The following SLC16A7 variants were observed in gnomAD, a reference collection of about 807,000 sequenced individuals.
SLC16A7 encodes the protein solute carrier family 16 member 7.
A neutral mutation model predicts 34.9 loss-of-function variants in SLC16A7; 33 were observed. The ratio of observed to expected loss-of-function variants is 0.94; its 90% CI spans 0.72 to 1.26. The LOEUF is 1.26. Among genes scored for constraint, SLC16A7 ranks in the 50% most tolerant of loss-of-function variants. The pLI is 0.00. For synonymous variants in SLC16A7, 201 were observed against 206.6 expected (o/e 0.97, Z 0.23); for missense variants, 573 against 578.1 (o/e 0.99, Z 0.09).
intron 1 of SLC16A7, among the ~76,000 whole-genome samples, chr12:59,640,596 G>A (rs1052280890): frequency 2.6e-5 from 4 of 151,858 alleles, no homozygotes; most frequent in Non-Finnish European, 4.4e-5. Flanking sequence ...CCATGCCACC[G>A]TTTACTACTA....
intron 3 of SLC16A7, among the ~76,000 whole-genome samples, chr12:59,769,562 T>C (rs1355853384): frequency 6.6e-6 from 1 of 152,160 alleles, no homozygotes; most frequent in East Asian, 1.9e-4. Flanking sequence ...CAAACTTTTG[T>C]ATTCTGTGTT....
intron 1 of SLC16A7, among the ~76,000 whole-genome samples, chr12:59,645,720 C>A (rs1880879484): frequency 6.6e-6 from 1 of 152,044 alleles, no homozygotes; most frequent in South Asian, 2.1e-4. Context: ...AACTTTGGAA[C>A]TGGGTAACAG....
At chr12:59,616,108 G>T (rs1448310304) in intron 1 of SLC16A7, among the ~76,000 whole-genome samples, 1 of 152,166 alleles carries the variant, frequency 6.6e-6, no homozygotes, top group Non-Finnish European at 1.5e-5. Context: ...GAGGTAACTG[G>T]CTTGTTGCTT....
At chr12:59,706,712 C>G (rs1022521825) in intron 3 of SLC16A7, among the ~76,000 whole-genome samples, 4 of 152,082 alleles carry the variant, frequency 2.6e-5, no homozygotes, top group African/African-American at 9.7e-5. Context: ...TAGAGCAGCA[C>G]ACAGTCATCT....
intron 1 of SLC16A7, among the ~76,000 whole-genome samples, chr12:59,649,707 G>A (rs1000368665): frequency 8.5e-5 from 13 of 152,130 alleles, no homozygotes; most frequent in African/African-American, 3.1e-4. Flanking sequence ...CCAGCACTTG[G>A]GGATGCTGAG....
At chr12:59,701,441 T>A (rs1358364238) in intron 2 of SLC16A7, among the ~76,000 whole-genome samples, 1 of 151,708 alleles carries the variant, frequency 6.6e-6, no homozygotes, top group African/African-American at 2.4e-5. Flanking sequence ...TAAACTAGAA[T>A]TTTAGAAAAT....
chr12:59,617,703 T>A (rs1290157664), intron 1 of SLC16A7, among the ~76,000 whole-genome samples: 1 of 151,920 alleles, frequency 6.6e-6, no homozygotes, highest in Non-Finnish European at 1.5e-5. Flanking sequence ...AGCAAAATAA[T>A]AACTGAAATT....
At chr12:59,728,041 G>A (rs575512104) in intron 3 of SLC16A7, among the ~76,000 whole-genome samples, 1 of 152,102 alleles carries the variant, frequency 6.6e-6, no homozygotes, top group Non-Finnish European at 1.5e-5. Flanking sequence ...AGAGACCCAG[G>A]TTCCAATAGA....
chr12:59,753,484 C>A (rs1255241538), intron 3 of SLC16A7, among the ~76,000 whole-genome samples: 7 of 152,044 alleles, frequency 4.6e-5, no homozygotes, highest in Non-Finnish European at 8.8e-5. Context: ...GACTTTAAAC[C>A]AACAAAGATC....
rs1321893897 is a variant in SLC16A7 at position 59,764,535 on chromosome 12, A to G, written c.218-6684A>G. 8.7e-5 allele frequency among the ~76,000 whole-genome samples: 11 copies of G among 125,860 alleles called. No homozygotes were observed. The East Asian group carries it at 2.7e-3, about 31-fold the overall frequency. 82.6% of individuals were successfully genotyped at this position (125,860 alleles called of 152,430 possible). On this transcript the variant is annotated intron_variant, in intron 3 of 5. Transcript: ENST00000547379. ...GTGTGATGTTCCCCTTCCTGTGTCCATGTGTTCTCATTGTTCAATTCCCAC... is the reference window on the plus strand; with the variant it reads ...GTGTGATGTTCCCCTTCCTGTGTCCGTGTGTTCTCATTGTTCAATTCCCAC...
At chr12:59,640,328 G>A (rs1216202367) in intron 1 of SLC16A7, among the ~76,000 whole-genome samples, 1 of 152,064 alleles carries the variant, frequency 6.6e-6, no homozygotes, top group African/African-American at 2.4e-5. Flanking sequence ...ACTTTTGGGG[G>A]ACATTTCATG....
At chr12:59,621,486 T>A (rs187960920) in intron 1 of SLC16A7, among the ~76,000 whole-genome samples, 1,857 of 151,962 alleles carry the variant, frequency 0.012, 23 homozygotes, top group Middle Eastern at 0.02. Context: ...TTCCTAATAT[T>A]TAATCTGATT....
chr12:59,633,732 G>A (rs1284554935), intron 1 of SLC16A7, among the ~76,000 whole-genome samples: 6 of 151,960 alleles, frequency 3.9e-5, no homozygotes, highest in Admixed American at 3.9e-4. Context: ...AAGGTGAAGG[G>A]GAAGCAAAGC....
At chr12:59,648,101 G>C (rs1397805930) in intron 1 of SLC16A7, among the ~76,000 whole-genome samples, 1 of 152,008 alleles carries the variant, frequency 6.6e-6, no homozygotes, top group Non-Finnish European at 1.5e-5. Context: ...AACTGCAGGG[G>C]GTGATTGAGG....
rs368778626 is a variant in SLC16A7, at chr12:59,638,969, A to T, written c.-129-16183A>T. Among the ~76,000 whole-genome samples, 64 of 152,312 alleles carry T rather than the reference A, an allele frequency of 4.2e-4. No individual in the cohort carries two copies. The South Asian group carries it at 0.012, about 30-fold the overall frequency. ...AGTAATACATACATGAGCAAACTGT[A>T]TAATACTTTTGGGTGATGGGCTTTA... On this transcript the variant is annotated intron_variant, in intron 1 of 5. Coordinates refer to ENST00000547379, the MANE Select transcript of SLC16A7 (RefSeq NM_001270623.2).
chr12:59,716,926 A>G (rs957052262), intron 3 of SLC16A7, among the ~76,000 whole-genome samples: 2 of 152,224 alleles, frequency 1.3e-5, no homozygotes, highest in African/African-American at 4.8e-5. Context: ...CTATTAGGAA[A>G]AAATCGTATA....
In SLC16A7 at chr12:59,779,655, C is replaced by T. The variant is rs776517556; in HGVS notation, c.1413C>T (p.Thr471=). Residue 471 remains threonine, a synonymous_variant, in exon 6 of 6, where the codon ACC becomes ACT. Transcript: ENST00000547379. ...AAGTTTCAAATGCACAGAGTGTAAC[C>T]TCAGAAAGAGAAACTAACATTTAAC... ...NVKVSNAQSV[T]SERETNI 2 of 1,609,870 alleles carry T rather than the reference C, an allele frequency of 1.2e-6. No individual in the cohort carries two copies. Among genetic ancestry groups the T allele is most frequent in the African/African-American group, 2.7e-5 (2 of 74,716 alleles).
intron 1 of SLC16A7, among the ~76,000 whole-genome samples, chr12:59,613,459 G>A (rs1318791473): frequency 6.6e-6 from 1 of 152,134 alleles, no homozygotes; most frequent in African/African-American, 2.4e-5. Context: ...TGGGAGTTAG[G>A]TTACAATATA....
chr12:59,681,334 C>T (rs1467840630), intron 2 of SLC16A7, among the ~76,000 whole-genome samples: 1 of 152,174 alleles, frequency 6.6e-6, no homozygotes, highest in Admixed American at 6.5e-5. Flanking sequence ...TGTCTTTAGC[C>T]ACATTGCAAA....
Sources: allele counts gnomAD v4.1 joint callset (sites outside exome capture counted in the v4.1 genomes callset), GRCh38; gene constraint gnomAD v4.1.1; transcripts MANE v1.5; gene names NCBI Gene and HGNC (gene_info 2026-07-23, HGNC 2026-07-21).